HROB: variants seen among roughly 807,000 people sequenced by gnomAD.
HROB encodes the protein homologous recombination factor with OB-fold.
A neutral mutation model predicts 61.0 loss-of-function variants in HROB; 44 were observed. That is an observed-to-expected ratio of 0.72 (90% CI 0.57 to 0.93). The LOEUF (loss-of-function observed/expected upper bound fraction) is 0.93, where lower values mean the gene tolerates loss of function less well. Ranked by LOEUF, HROB falls within the 40% of genes least tolerant of loss-of-function variation. HROB has a pLI of 0.00. For missense variants in HROB, 716 were observed against 796.2 expected (o/e 0.90, Z 1.21); for synonymous variants, 301 against 310.4 (o/e 0.97, Z 0.32).
At chr17:44,142,786 T>A (rs1324219885) in intron 1 of HROB, among the ~76,000 whole-genome samples, 1 of 152,198 alleles carries the variant, frequency 6.6e-6, no homozygotes, top group Non-Finnish European at 1.5e-5. Flanking sequence ...GGGAAACTAC[T>A]GGCTTCATTT....
intron 5 of HROB, 25 bp downstream of exon 5, chr17:44,152,802 CA>C: frequency 6.2e-7 from 1 of 1,606,676 alleles, no homozygotes; most frequent in Non-Finnish European, 8.5e-7. Context: ...TGCTGAGACC[CA>C]AAGGAAAGAC....
chr17:44,145,113 G>A (rs2053573622), intron 1 of HROB, 90 bp from the exon 2 acceptor site: 1 of 1,353,860 alleles, frequency 7.4e-7, no homozygotes, highest in African/African-American at 1.4e-5. Flanking sequence ...ATACCTGATG[G>A]TATTGTTAGT....
chr17:44,159,984 C>G (rs2054086733), intron 9 of HROB, among the ~76,000 whole-genome samples: 1 of 152,230 alleles, frequency 6.6e-6, no homozygotes, highest in East Asian at 1.9e-4. Flanking sequence ...TCGAACTCCC[C>G]CAAGGAGAGT....
chr17:44,152,729 C>T lies in HROB; in HGVS notation c.1401C>T (p.Asp467=). ...MKSTLGLDER[D]PSCFLCTYSI... is the part of the protein sequence containing the mutation. Reference sequence around the variant, plus strand: ...CCACGCTAGGCCTGGATGAGAGAGACCCTAGCTGCTTCCTCTGTACCTACA... The same window carrying T: ...CCACGCTAGGCCTGGATGAGAGAGATCCTAGCTGCTTCCTCTGTACCTACA... The change falls in exon 5 of 10, where the codon GAC becomes GAT. Residue 467 remains aspartate, a synonymous_variant. Transcript: ENST00000585683. The T allele has an allele frequency of 6.2e-7, 1 of 1,614,180 alleles. No individual in the cohort carries two copies. Among genetic ancestry groups the T allele is most frequent in the Non-Finnish European group, 8.5e-7 (1 of 1,180,034 alleles).
chr17:44,154,581 A>G lies in HROB; in HGVS notation c.1475A>G (p.Asn492Ser). The change falls in exon 6 of 10, where the codon AAC becomes AGC. Residue 492 changes from asparagine (N) to serine (S), a missense_variant. Transcript: ENST00000585683. ...RKAALKQLPR[N>S]KVPNMAVMIK... ...GCAGCCCTGAAGCAGCTTCCTAGGA[A>G]CAAGGTCCCCAACATGGCGGTGATG... The G allele has an allele frequency of 2.5e-6, 4 of 1,614,126 alleles. No homozygotes were observed. The highest frequency in any genetic ancestry group is 1.1e-5 in the South Asian group (1 of 91,082).
intron 9 of HROB, among the ~76,000 whole-genome samples, chr17:44,161,548 T>G (rs2054140112): frequency 6.6e-6 from 1 of 152,180 alleles, no homozygotes; most frequent in South Asian, 2.1e-4. Flanking sequence ...TTGCACTAGG[T>G]GACCTCTGAA....
At chr17:44,149,863 G>A (rs377559672) in intron 3 of HROB, among the ~76,000 whole-genome samples, 6 of 152,006 alleles carry the variant, frequency 3.9e-5, no homozygotes, top group East Asian at 1.9e-4. Flanking sequence ...AGTGTGAACA[G>A]GGGTCATTCC....
intron 8 of HROB, among the ~76,000 whole-genome samples, chr17:44,157,127 A>G (rs2053993521): frequency 6.6e-6 from 1 of 152,124 alleles, no homozygotes; most frequent in Non-Finnish European, 1.5e-5. Flanking sequence ...ACCTGCCCAT[A>G]TATTAGCTAT....
chr17:44,158,025 G>A, intron 9 of HROB, 84 bp downstream of exon 9: 1 of 953,934 alleles, frequency 1.0e-6, no homozygotes. Context: ...GCTATATCTT[G>A]TTCCTCTTTC....
At position 44,154,580 on chromosome 17, in the gene HROB, A is replaced by G. The variant is rs770040171; in HGVS notation, c.1474A>G (p.Asn492Asp). The change falls in exon 6 of 10, where the codon AAC (asparagine) becomes GAC (aspartate). Residue 492 changes from asparagine (N) to aspartate (D), a missense_variant. Transcript: ENST00000585683. The part of the protein sequence containing the change: ...RKAALKQLPR[N>D]KVPNMAVMIK... Reference sequence around the variant, plus strand: ...GGCAGCCCTGAAGCAGCTTCCTAGGAACAAGGTCCCCAACATGGCGGTGAT... The same window carrying G: ...GGCAGCCCTGAAGCAGCTTCCTAGGGACAAGGTCCCCAACATGGCGGTGAT... 13 of 1,614,034 alleles carry G rather than the reference A, an allele frequency of 8.1e-6. No homozygotes were observed.
chr17:44,157,776 G>A, intron 8 of HROB, 57 bp from the exon 9 acceptor site: 1 of 1,348,224 alleles, frequency 7.4e-7, no homozygotes, highest in South Asian at 1.3e-5. Context: ...TAGAGGTGGT[G>A]CCATCTGAAG....
chr17:44,152,487 A>T, intron 4 of HROB, 150 bp from the exon 5 acceptor site: 1 of 725,880 alleles, frequency 1.4e-6, no homozygotes, highest in East Asian at 2.9e-5. Flanking sequence ...GGCCTTGGAG[A>T]TAAATGAGAG....
At chr17:44,143,983 CTT>C (rs879702293) in intron 1 of HROB, among the ~76,000 whole-genome samples, 4 of 145,138 alleles carry the variant, frequency 2.8e-5, no homozygotes, top group Admixed American at 6.9e-5. Context: ...TCTTTCTTTC[CTT>C]TTTTTTTTTT....
At chr17:44,155,253 C>G (rs745424647) in intron 7 of HROB, 33 bp from the exon 8 acceptor site, 3 of 1,611,894 alleles carry the variant, frequency 1.9e-6, no homozygotes, top group East Asian at 4.5e-5. Flanking sequence ...AGTGCTCCAT[C>G]AGGACACTGA....
intron 7 of HROB, 127 bp from the exon 8 acceptor site, chr17:44,155,159 A>G (rs1234963161): frequency 6.9e-7 from 1 of 1,440,826 alleles, no homozygotes; most frequent in African/African-American, 1.4e-5. Context: ...GATTGTGGCA[A>G]ATGGTTCTCT....
chr17:44,149,203 TGAA>T (rs1038946131), intron 3 of HROB, among the ~76,000 whole-genome samples, 176 bp downstream of exon 3: 3 of 151,952 alleles, frequency 2.0e-5, no homozygotes, highest in Non-Finnish European at 4.4e-5. Context: ...AAATCCACTG[TGAA>T]GAAGTGCTTA....
At chr17:44,151,816 ATTTTATTATGTTATT>A (rs2053814213) in intron 4 of HROB, among the ~76,000 whole-genome samples, 1 of 151,662 alleles carries the variant, frequency 6.6e-6, no homozygotes. Flanking sequence ...ATTTTATTTT[ATTTTATTATGTTATT>A]TTATGTTATT....
At chr17:44,145,092 C>T in intron 1 of HROB, 111 bp from the exon 2 acceptor site, 1 of 1,253,396 alleles carries the variant, frequency 8.0e-7, no homozygotes, top group Non-Finnish European at 1.1e-6. Context: ...CAAAAACAAA[C>T]AAAAAACAAT....
At chr17:44,160,309 T>C (rs985180052) in intron 9 of HROB, among the ~76,000 whole-genome samples, 2 of 152,246 alleles carry the variant, frequency 1.3e-5, no homozygotes, top group African/African-American at 4.8e-5. Context: ...GGCTCACTCC[T>C]GTAATCCCAG....
Sources: gnomAD v4.1 joint callset for allele counts (sites outside exome capture counted in the v4.1 genomes callset) on GRCh38, gnomAD v4.1.1 for gene constraint, MANE v1.5 for transcripts, NCBI Gene and HGNC (gene_info 2026-07-23, HGNC 2026-07-21) for gene names.